Variants in HOXB2 observed in about 807,000 individuals in gnomAD.
HOXB2 encodes homeobox protein Hox-B2.
A neutral mutation model predicts 13.1 loss-of-function variants in HOXB2; 14 were observed. The ratio of observed to expected loss-of-function variants is 1.07; its 90% CI spans 0.71 to 1.67. The LOEUF is 1.67. Ranked by LOEUF, HOXB2 falls within the 40% of genes most tolerant of loss-of-function variation. HOXB2 has a pLI of 0.00. For missense variants in HOXB2, 582 were observed against 488.3 expected (o/e 1.19, Z -1.81); for synonymous variants, 261 against 233.1 (o/e 1.12, Z -1.09).
chr17:48,542,815 A>G lies in HOXB2; in HGVS notation c.*253T>C. On this transcript the variant is annotated 3_prime_UTR_variant, in exon 2 of 2. Transcript: ENST00000330070. Reference sequence around the variant, plus strand: ...TAGTTATTTTTAAGAAAGTCCCCCTAGAGTTTAATTATTCCTGAGATTTCA... The same window carrying G: ...TAGTTATTTTTAAGAAAGTCCCCCTGGAGTTTAATTATTCCTGAGATTTCA... 2.8e-6 allele frequency: 1 copy of G among 362,052 alleles called. No individual in the cohort carries two copies. Among genetic ancestry groups the G allele is most frequent in the East Asian group, 4.3e-5 (1 of 23,398 alleles). 22.4% of individuals were successfully genotyped at this position (362,052 alleles called of 1,614,324 possible). A position where few individuals can be genotyped will look rare whatever the true frequency, so the allele number is the denominator to read the frequency against.
chr17:48,543,099 G>T lies in HOXB2; in HGVS notation c.1040C>A (p.Thr347Lys). 2 of 1,612,510 alleles carry T rather than the reference G, an allele frequency of 1.2e-6. No homozygotes were observed. Among genetic ancestry groups the T allele is most frequent in the Non-Finnish European group, 8.5e-7 (1 of 1,179,484 alleles). ...SEEELDFFTSTLCAIDLQFP is the reference protein window; with the variant it reads ...SEEELDFFTSKLCAIDLQFP ...AAACTGCAGGTCGATGGCACAGAGC[G>T]TACTGGTGAAAAAATCCAGCTCTTC... Residue 347 changes from threonine (T) to lysine (K), a missense_variant, in exon 2 of 2, where the codon ACG becomes AAG. Physicochemically the swap from Thr to Lys is moderately conservative, Grantham distance 78 (BLOSUM62 -1). Coordinates refer to ENST00000330070, the MANE Select transcript of HOXB2 (RefSeq NM_002145.4).
At position 48,544,933 on chromosome 17, in the gene HOXB2, G is replaced by GTCAGACACTCGGCGAGCGAC; in HGVS notation, c.-23_-22insGTCGCTCGCCGAGTGTCTGA. ...TCATGGCTTTCAATGGTGGGGGAGG[G>GTCAGACACTCGGCGAGCGAC]GGCTGCTGGGGGGGGCGTCAGGAGG... is the stretch of plus-strand genomic sequence containing the variant. On this transcript the variant is annotated 5_prime_UTR_variant, in exon 1 of 2. Coordinates refer to ENST00000330070, the MANE Select transcript of HOXB2 (RefSeq NM_002145.4). The GTCAGACACTCGGCGAGCGAC allele has an allele frequency of 6.8e-7, 1 of 1,474,630 alleles. No homozygotes were observed. The highest frequency in any genetic ancestry group is 9.2e-7 in the Non-Finnish European group (1 of 1,090,210). The allele number at this position is 1,474,630 out of a possible 1,614,324, so 91.3% of individuals were successfully genotyped here.
Position 48,544,526 on chromosome 17 carries a change from G to A in HOXB2, c.386C>T (p.Pro129Leu), listed in dbSNP as rs770560984. ...CCCCCACCACGCTTACCGACCTGCA[G>A]GCGATCCGACCCCGGAGGCCGGAAC... ...SAVPASGVGS[P>L]ADGLGLPEAG... is the part of the protein sequence containing the mutation. Residue 129 changes from proline (P) to leucine (L), a missense_variant, in exon 1 of 2, where the codon CCT (proline) becomes CTT (leucine). By Grantham distance (98) the Pro-to-Leu change is moderately conservative (BLOSUM62 -3). Coordinates refer to ENST00000330070, the MANE Select transcript of HOXB2 (RefSeq NM_002145.4). 1.2e-6 allele frequency: 2 copies of A among 1,602,940 alleles called. No homozygotes were observed. The highest frequency in any genetic ancestry group is 1.1e-5 in the South Asian group (1 of 90,428).
Position 48,544,973 on chromosome 17 carries a change from AC to A in HOXB2, c.-63del. The A allele has an allele frequency of 9.5e-7, 1 of 1,054,498 alleles. No homozygotes were observed. The highest frequency in any genetic ancestry group is 1.3e-6 in the Non-Finnish European group (1 of 778,176). 65.3% of individuals were successfully genotyped at this position (1,054,498 alleles called of 1,614,324 possible). On this transcript the variant is annotated 5_prime_UTR_variant, in exon 1 of 2. Coordinates refer to ENST00000330070, the MANE Select transcript of HOXB2 (RefSeq NM_002145.4). Reference sequence around the variant, plus strand: ...GCGTCAGGAGGGAGGATCGGAAGGGACCCCCCTCCTGCACCCCCCCCGATTT... The same window carrying A: ...GCGTCAGGAGGGAGGATCGGAAGGGACCCCCTCCTGCACCCCCCCCGATTT...
rs773455804 is a variant in HOXB2, at chr17:48,543,140, C to T, written c.999G>A (p.Pro333=). Residue 333 remains proline, a synonymous_variant, in exon 2 of 2, where the codon CCG becomes CCA. Transcript: ENST00000330070. ...CCAGCTCTTCCTCGGAAAAAGGGAC[C>T]GGGCTGTCGAGAGAACCCTGTAGGC... ...SPSLQGSLDS[P]VPFSEEELDF... 1.2e-6 allele frequency: 2 copies of T among 1,613,170 alleles called. No individual in the cohort carries two copies. Among genetic ancestry groups the T allele is most frequent in the South Asian group, 1.1e-5 (1 of 90,998 alleles).
chr17:48,543,478 T>G lies in HOXB2; in HGVS notation c.661A>C (p.Ile221Leu). 2 of 1,611,098 alleles carry G rather than the reference T, an allele frequency of 1.2e-6. No individual in the cohort carries two copies. Among genetic ancestry groups the G allele is most frequent in the Non-Finnish European group, 1.7e-6 (2 of 1,179,644 alleles). Residue 221 changes from isoleucine to leucine, a missense_variant, in exon 2 of 2, where the codon ATC becomes CTC. By Grantham distance (5) the Ile-to-Leu change is conservative (BLOSUM62 2). Coordinates refer to ENST00000330070, the MANE Select transcript of HOXB2 (RefSeq NM_002145.4). ...EPACPGALEDICDPAEEPAAS... is the reference protein window; with the variant it reads ...EPACPGALEDLCDPAEEPAAS... Reference sequence around the variant, plus strand: ...GCGGGTTCCTCGGCAGGGTCGCAGATGTCCTCCAGGGCTCCCGGGCAGGCA... The same window carrying G: ...GCGGGTTCCTCGGCAGGGTCGCAGAGGTCCTCCAGGGCTCCCGGGCAGGCA...
At chr17:48,544,307 T>G in intron 1 of HOXB2, 1 of 1,392,168 alleles carries the variant, frequency 7.2e-7, no homozygotes, top group Non-Finnish European at 9.2e-7. Flanking sequence ...AAATCAGCCA[T>G]AGGGAGAGAA....
At chr17:48,544,078 G>T in intron 1 of HOXB2, 1 of 985,204 alleles carries the variant, frequency 1.0e-6, no homozygotes, top group Non-Finnish European at 1.2e-6. Context: ...CAACTCAACC[G>T]GAGCGAGGGT....
Position 48,543,743 on chromosome 17 carries a change from G to A in HOXB2, c.396C>T (p.Gly132=), listed in dbSNP as rs1323023008. The A allele has an allele frequency of 6.3e-7, 1 of 1,595,824 alleles. No individual in the cohort carries two copies. Among genetic ancestry groups the A allele is most frequent in the South Asian group, 1.1e-5 (1 of 89,000 alleles). Residue 132 remains glycine, a synonymous_variant, in exon 2 of 2, where the codon GGC becomes GGT. Coordinates refer to ENST00000330070, the MANE Select transcript of HOXB2 (RefSeq NM_002145.4). ...CGCCACCAGCCTCCGGCAGTCCCAG[G>A]CCATCTGCAGGGAAAACAGGCTCGG... The part of the protein sequence containing the change: ...PASGVGSPAD[G]LGLPEAGGGG...
In HOXB2 at chr17:48,545,011, C is replaced by G. The variant is rs111401880; in HGVS notation, c.-100G>C. 61,654 of 1,126,592 alleles carry G rather than the reference C, an allele frequency of 0.055. 1,812 individuals carry two copies. Among genetic ancestry groups the G allele is most frequent in the African/African-American group, 0.062 (3,905 of 62,676 alleles). 69.8% of individuals were successfully genotyped at this position (1,126,592 alleles called of 1,614,324 possible). A position where few individuals can be genotyped will look rare whatever the true frequency, so the allele number is the denominator to read the frequency against. On this transcript the variant is annotated 5_prime_UTR_variant, in exon 1 of 2. Coordinates refer to ENST00000330070, the MANE Select transcript of HOXB2 (RefSeq NM_002145.4). ...ACCCCCCCCGATTTATGTAATGGAG[C>G]GATTTTGGGAGGGGGAGATTTCGGT...
In HOXB2 at chr17:48,544,931, G is replaced by C. The variant is rs779134754; in HGVS notation, c.-20C>G. ...ATTCATGGCTTTCAATGGTGGGGGA[G>C]GGGGCTGCTGGGGGGGGCGTCAGGA... On this transcript the variant is annotated 5_prime_UTR_variant, in exon 1 of 2. Transcript: ENST00000330070. The C allele has an allele frequency of 8.6e-5, 126 of 1,469,432 alleles. No individual in the cohort carries two copies. Among genetic ancestry groups the C allele is most frequent in the Non-Finnish European group, 1.1e-4 (123 of 1,085,548 alleles). 91.0% of individuals were successfully genotyped at this position (1,469,432 alleles called of 1,614,324 possible).
intron 1 of HOXB2, 91 bp downstream of exon 1, chr17:48,544,430 G>C: frequency 1.4e-6 from 2 of 1,466,020 alleles, no homozygotes; most frequent in Non-Finnish European, 1.8e-6. Flanking sequence ...ACCCCAACAG[G>C]CTCGCCACCA....
At chr17:48,544,286 AC>A in intron 1 of HOXB2, 1 of 1,372,574 alleles carries the variant, frequency 7.3e-7, no homozygotes, top group Non-Finnish European at 9.3e-7. Context: ...CGTTTCCCCA[AC>A]CAGCTTCCAA....
In HOXB2 at chr17:48,543,457, G is replaced by C. The variant is rs779320754; in HGVS notation, c.682C>G (p.Pro228Ala). 28 of 1,606,796 alleles carry C rather than the reference G, an allele frequency of 1.7e-5. No homozygotes were observed. The African/African-American group carries it at 3.5e-4, about 20-fold the overall frequency. The change falls in exon 2 of 2, where the codon CCC becomes GCC. Residue 228 changes from proline to alanine, a missense_variant. Coordinates refer to ENST00000330070, the MANE Select transcript of HOXB2 (RefSeq NM_002145.4). ...GAGGGGCCGCCCGGGCTGGCCGCGG[G>C]TTCCTCGGCAGGGTCGCAGATGTCC... ...LEDICDPAEE[P>A]AASPGGPSAS...
chr17:48,543,883 G>T (rs1205742211), intron 1 of HOXB2, 136 bp from the exon 2 acceptor site: 19 of 741,868 alleles, frequency 2.6e-5, no homozygotes, highest in African/African-American at 4.2e-5. Flanking sequence ...CCCCAAAGCC[G>T]CTCGCTTTAC....
At position 48,542,881 on chromosome 17, in the gene HOXB2, T is replaced by A; in HGVS notation, c.*187A>T. On this transcript the variant is annotated 3_prime_UTR_variant, in exon 2 of 2. Transcript: ENST00000330070. Reference sequence around the variant, plus strand: ...CAAACGGAATTTTTCTGTGTGAATTTTAAAAGATAACCGAGTGCCCAATAT... The same window carrying A: ...CAAACGGAATTTTTCTGTGTGAATTATAAAAGATAACCGAGTGCCCAATAT... 1 of 434,778 alleles carries A rather than the reference T, an allele frequency of 2.3e-6. No individual in the cohort carries two copies. The highest frequency in any genetic ancestry group is 4.0e-6 in the Non-Finnish European group (1 of 248,656). The allele number at this position is 434,778 out of a possible 1,614,324, so 26.9% of individuals were successfully genotyped here. A position where few individuals can be genotyped will look rare whatever the true frequency, so the allele number is the denominator to read the frequency against.
Position 48,543,289 on chromosome 17 carries a change from C to T in HOXB2, c.850G>A (p.Gly284Arg). 1.9e-6 allele frequency: 3 copies of T among 1,603,738 alleles called. No homozygotes were observed. The highest frequency in any genetic ancestry group is 1.7e-4 in the Middle Eastern group (1 of 5,972). ...SPGCALRGAG[G>R]LEPGPLPEDV... is the part of the protein sequence containing the mutation. ...TCTGGCAATGGCCCGGGCTCCAGCC[C>T]GCCGGCCCCGCGCAGCGCGCAGCCG... is the stretch of plus-strand genomic sequence containing the variant. Residue 284 changes from glycine to arginine, a missense_variant, in exon 2 of 2, where the codon GGG (glycine) becomes AGG (arginine). Physicochemically the swap from Gly to Arg is moderately radical, Grantham distance 125. Transcript: ENST00000330070.
Position 48,542,704 on chromosome 17 carries a change from A to G in HOXB2, c.*364T>C, listed in dbSNP as rs1301420692. ...TTAATCTATGAAAATAATGTACAAT[A>G]AATACTTTCCCCTTTTCCTATTATT... On this transcript the variant is annotated 3_prime_UTR_variant, in exon 2 of 2. Transcript: ENST00000330070. The G allele has an allele frequency of 6.0e-6, 1 of 166,976 alleles. No individual in the cohort carries two copies. Among genetic ancestry groups the G allele is most frequent in the Non-Finnish European group, 1.3e-5 (1 of 78,054 alleles). 10.3% of individuals were successfully genotyped at this position (166,976 alleles called of 1,614,324 possible).
rs369010651 is a variant in HOXB2 at position 48,543,114 on chromosome 17, T to C, written c.1025A>G (p.Asp342Gly). 3 of 1,611,934 alleles carry C rather than the reference T, an allele frequency of 1.9e-6. No homozygotes were observed. The highest frequency in any genetic ancestry group is 2.7e-5 in the African/African-American group (2 of 74,476). ...GGCACAGAGCGTACTGGTGAAAAAA[T>C]CCAGCTCTTCCTCGGAAAAAGGGAC... is the stretch of plus-strand genomic sequence containing the variant. Reference protein sequence around the residue: ...SPVPFSEEELDFFTSTLCAID... With the variant: ...SPVPFSEEELGFFTSTLCAID... The change falls in exon 2 of 2, where the codon GAT becomes GGT. Residue 342 changes from aspartate to glycine, a missense_variant. Physicochemically the swap from Asp to Gly is moderately conservative, Grantham distance 94 (BLOSUM62 -1). Coordinates refer to ENST00000330070, the MANE Select transcript of HOXB2 (RefSeq NM_002145.4).
Sources: allele counts gnomAD v4.1 joint callset, GRCh38; gene constraint gnomAD v4.1.1; transcripts MANE v1.5; gene names NCBI Gene and HGNC (gene_info 2026-07-23, HGNC 2026-07-21).